The following ANGPT1 variants were observed in gnomAD, a reference collection of about 807,000 sequenced individuals.
ANGPT1 encodes angiopoietin-1.
A neutral mutation model predicts 62.2 loss-of-function variants in ANGPT1; 17 were observed. The observed-to-expected ratio is 0.27, with a 90% CI of 0.19 to 0.41. The LOEUF is 0.41. Among genes scored for constraint, ANGPT1 ranks in the 10% least tolerant of loss-of-function variants. ANGPT1 has a pLI of 1.00. For synonymous variants in ANGPT1, 199 were observed against 198.9 expected, an observed-to-expected ratio of 1.00 and a Z score of 0.00; for missense variants, 478 against 594.9, an observed-to-expected ratio of 0.80 and a Z score of 2.04.
At chr8:107,432,535 G>C (rs935378103) in intron 1 of ANGPT1, among the ~76,000 whole-genome samples, 15 of 151,940 alleles carry the variant, frequency 9.9e-5, no homozygotes, top group Admixed American at 9.8e-4. Flanking sequence ...ATGGTGGCGG[G>C]TGACTGTAGT....
intron 1 of ANGPT1, among the ~76,000 whole-genome samples, chr8:107,405,010 G>T (rs1244128964): frequency 2.0e-5 from 3 of 151,858 alleles, no homozygotes; most frequent in Non-Finnish European, 4.4e-5. Flanking sequence ...TATTTCTTGA[G>T]AACACCATGG....
chr8:107,281,275 A>G (rs1011665790), intron 7 of ANGPT1, among the ~76,000 whole-genome samples: 13 of 152,204 alleles, frequency 8.5e-5, no homozygotes, highest in African/African-American at 7.2e-5. Context: ...GAATTTTCAA[A>G]CAAAATTTCC....
chr8:107,416,399 G>C (rs1009277284), intron 1 of ANGPT1, among the ~76,000 whole-genome samples: 1 of 152,186 alleles, frequency 6.6e-6, no homozygotes, highest in Non-Finnish European at 1.5e-5. Context: ...CAGATGCAGC[G>C]ATACATAGAA....
intron 1 of ANGPT1, among the ~76,000 whole-genome samples, chr8:107,409,531 G>C (rs1057441023): frequency 2.0e-5 from 3 of 152,052 alleles, no homozygotes; most frequent in African/African-American, 7.2e-5. Flanking sequence ...ACAGCAGTCT[G>C]GGCTCTCAGT....
chr8:107,374,926 C>T (rs145648630), intron 1 of ANGPT1, among the ~76,000 whole-genome samples: 7,401 of 152,178 alleles, frequency 0.049, 595 homozygotes, highest in African/African-American at 0.17. Flanking sequence ...CTTTGGGAGG[C>T]CGAGGAGGGC....
chr8:107,412,574 G>A (rs533084321), intron 1 of ANGPT1, among the ~76,000 whole-genome samples: 1 of 152,174 alleles, frequency 6.6e-6, no homozygotes, highest in African/African-American at 2.4e-5. Flanking sequence ...TCATCACAGA[G>A]GAAATATTGA....
rs893013504 is a variant in ANGPT1 at position 107,264,365 on chromosome 8, G to C, written c.1206-14C>G. The C allele has an allele frequency of 6.2e-7, 1 of 1,601,638 alleles. No homozygotes were observed. Among genetic ancestry groups the C allele is most frequent in the Non-Finnish European group, 8.5e-7 (1 of 1,176,102 alleles). ...TTTAAATACAACCTGAAGTCAAAAAGAAAAAAAAGAAAGATAAGCCATTCG... is the reference window on the plus strand; with the variant it reads ...TTTAAATACAACCTGAAGTCAAAAACAAAAAAAAGAAAGATAAGCCATTCG... On this transcript the variant is annotated splice_polypyrimidine_tract_variant and intron_variant, in intron 7 of 8. Coordinates refer to ENST00000517746, the MANE Select transcript of ANGPT1 (RefSeq NM_001146.5).
rs188821302 is a variant in ANGPT1 at position 107,281,015 on chromosome 8, C to T, written c.1205+3667G>A. Among the ~76,000 whole-genome samples the T allele has an allele frequency of 1.1e-4, 17 of 152,254 alleles. No homozygotes were observed. In the East Asian group the frequency reaches 3.1e-3, roughly 28 times the overall value. ...AGTTCATATGCTATGCTTATCATGA[C>T]ACTCTTACATTATTATTTTTTCTTA... On this transcript the variant is annotated intron_variant, in intron 7 of 8. Transcript: ENST00000517746.
chr8:107,443,233 C>T (rs1170144465), intron 1 of ANGPT1, among the ~76,000 whole-genome samples: 4 of 152,106 alleles, frequency 2.6e-5, no homozygotes, highest in African/African-American at 2.4e-5. Flanking sequence ...ACAATACCTG[C>T]CTCAACAGAT....
chr8:107,437,536 A>G (rs1258800072), intron 1 of ANGPT1, among the ~76,000 whole-genome samples: 1 of 152,250 alleles, frequency 6.6e-6, no homozygotes, highest in Non-Finnish European at 1.5e-5. Context: ...TTTAATGGCC[A>G]TGCTTAGAAG....
intron 1 of ANGPT1, among the ~76,000 whole-genome samples, chr8:107,468,445 A>G (rs1475896727): frequency 6.6e-6 from 1 of 152,074 alleles, no homozygotes; most frequent in Non-Finnish European, 1.5e-5. Flanking sequence ...CATTCAAATT[A>G]TCCTTTGTAG....
chr8:107,497,038 A>T (rs1813118330), intron 1 of ANGPT1, among the ~76,000 whole-genome samples: 1 of 152,242 alleles, frequency 6.6e-6, no homozygotes, highest in Non-Finnish European at 1.5e-5. Flanking sequence ...TGCCAGGGCT[A>T]GACACACAAA....
intron 7 of ANGPT1, among the ~76,000 whole-genome samples, chr8:107,269,231 C>A (rs1271662564): frequency 1.3e-5 from 2 of 151,840 alleles, no homozygotes; most frequent in African/African-American, 2.4e-5. Flanking sequence ...TGGCCCAAAG[C>A]CAACGACCAC....
At chr8:107,312,881 T>C (rs1424652664) in intron 4 of ANGPT1, among the ~76,000 whole-genome samples, 3 of 152,110 alleles carry the variant, frequency 2.0e-5, no homozygotes, top group African/African-American at 4.8e-5. Flanking sequence ...CTCGATGGTA[T>C]ACACCTGCTC....
rs960295779 is a variant in ANGPT1 at position 107,315,946 on chromosome 8, C to T, written c.808+5950G>A. ...AAATCATTGTTCTCCTTCTAGAATC[C>T]GATTTATCTGCCTGCCAGACTCTGT... is the stretch of plus-strand genomic sequence containing the variant. On this transcript the variant is annotated intron_variant, in intron 4 of 8. Coordinates refer to ENST00000517746, the MANE Select transcript of ANGPT1 (RefSeq NM_001146.5). Among the ~76,000 whole-genome samples, 8 of 152,210 alleles carry T rather than the reference C, an allele frequency of 5.3e-5. No homozygotes were observed. The South Asian group carries it at 6.2e-4, about 12-fold the overall frequency.
intron 1 of ANGPT1, among the ~76,000 whole-genome samples, chr8:107,473,457 A>T (rs1280701710): frequency 5.4e-5 from 8 of 147,426 alleles, no homozygotes; most frequent in African/African-American, 9.9e-5. Flanking sequence ...CAGGTTGTCT[A>T]AAAAAAAAGC....
intron 6 of ANGPT1, among the ~76,000 whole-genome samples, chr8:107,293,731 C>T (rs980262369): frequency 6.6e-6 from 1 of 152,098 alleles, no homozygotes; most frequent in Non-Finnish European, 1.5e-5. Flanking sequence ...TTCAGTAATA[C>T]GTTTTTCTTT....
At chr8:107,266,308 T>A (rs1240822925) in intron 7 of ANGPT1, among the ~76,000 whole-genome samples, 1 of 152,162 alleles carries the variant, frequency 6.6e-6, no homozygotes, top group Non-Finnish European at 1.5e-5. Flanking sequence ...ATCACTTCTT[T>A]GGAGGTCCTC....
In ANGPT1 at chr8:107,272,923, A is replaced by G. The variant is rs566019996; in HGVS notation, c.1206-8572T>C. On this transcript the variant is annotated intron_variant, in intron 7 of 8. Coordinates refer to ENST00000517746, the MANE Select transcript of ANGPT1 (RefSeq NM_001146.5). ...AAAAAACTGAGTGCCAAAATGAATC[A>G]CGTGACACCAAGACCCCTGTTTAAA... Among the ~76,000 whole-genome samples, 49 of 150,162 alleles carry G rather than the reference A, an allele frequency of 3.3e-4. No individual in the cohort carries two copies. In the East Asian group the frequency reaches 7.2e-3, roughly 22 times the overall value.
Sources: allele counts gnomAD v4.1 joint callset (sites outside exome capture counted in the v4.1 genomes callset), GRCh38; gene constraint gnomAD v4.1.1; transcripts MANE v1.5; gene names NCBI Gene and HGNC (gene_info 2026-07-23, HGNC 2026-07-21).